The following TMEM117 variants were observed in gnomAD, a reference collection of about 807,000 sequenced individuals.
The protein encoded by TMEM117 is transmembrane protein 117.
Under a neutral mutation model 52.4 loss-of-function variants are expected in TMEM117, and 27 were observed. The observed-to-expected ratio is 0.51, with a 90% confidence interval of 0.38 to 0.71. The LOEUF is 0.71. TMEM117 is among the 30% of genes least tolerant of loss of function. The pLI is 0.00. For synonymous variants in TMEM117, 215 were observed against 206.3 expected (o/e 1.04, Z -0.36); for missense variants, 556 against 630.5 (o/e 0.88, Z 1.26).
intron 2 of TMEM117, among the ~76,000 whole-genome samples, chr12:43,926,245 T>C (rs903582638): frequency 3.9e-5 from 6 of 152,226 alleles, no homozygotes; most frequent in African/African-American, 1.2e-4. Flanking sequence ...TCCTAAAACA[T>C]TGGCTGGCAT....
At chr12:44,342,471 G>A (rs1191681897) in intron 6 of TMEM117, among the ~76,000 whole-genome samples, 1 of 151,924 alleles carries the variant, frequency 6.6e-6, no homozygotes, top group East Asian at 1.9e-4. Context: ...TAATACCCCT[G>A]GCAAGATTGC....
chr12:44,346,795 G>C (rs1173551218), intron 6 of TMEM117, among the ~76,000 whole-genome samples: 1 of 152,032 alleles, frequency 6.6e-6, no homozygotes, highest in African/African-American at 2.4e-5. Flanking sequence ...TCCAGCACAA[G>C]GGAAAAGATG....
intron 5 of TMEM117, among the ~76,000 whole-genome samples, chr12:44,289,111 G>A (rs1314930019): frequency 6.6e-6 from 1 of 152,068 alleles, no homozygotes; most frequent in East Asian, 1.9e-4. Flanking sequence ...ATACCATACA[G>A]TATGGGTATT....
chr12:43,817,839 C>T, the TMEM117 span, among the ~76,000 whole-genome samples: 2 of 152,080 alleles, frequency 1.3e-5, no homozygotes, highest in African/African-American at 4.8e-5. Context: ...AGCATAAAAG[C>T]TTTATTCTTC....
rs772754829 is a variant in TMEM117, at chr12:43,891,367, A to ATTTTTTTTTTTTTTTTT, written c.277+46446_277+46462dup. ...ATTTCTTTTGGGAAATACCTCTTGA[A>ATTTTTTTTTTTTTTTTT]TTTTTTTTTTTTTTTTTTTTTTTGA... On this transcript the variant is annotated intron_variant, in intron 2 of 7. Coordinates refer to ENST00000266534, the MANE Select transcript of TMEM117 (RefSeq NM_032256.3). Among the ~76,000 whole-genome samples, 217 of 57,792 alleles carry ATTTTTTTTTTTTTTTTT rather than the reference A, an allele frequency of 3.8e-3. 51 individuals are homozygous for ATTTTTTTTTTTTTTTTT. The highest frequency in any genetic ancestry group is 5.2e-3 in the East Asian group (8 of 1,544). 37.9% of individuals were successfully genotyped at this position (57,792 alleles called of 152,430 possible).
intron 3 of TMEM117, among the ~76,000 whole-genome samples, chr12:44,056,417 T>C (rs976831206): frequency 6.6e-6 from 1 of 152,212 alleles, no homozygotes; most frequent in Non-Finnish European, 1.5e-5. Context: ...ATAAAAACTT[T>C]CTCATTTGTC....
intron 6 of TMEM117, among the ~76,000 whole-genome samples, chr12:44,326,242 G>C (rs1190180412): frequency 6.6e-6 from 1 of 152,150 alleles, no homozygotes; most frequent in African/African-American, 2.4e-5. Context: ...CTGAATGTTA[G>C]AAAGCCCAAA....
At chr12:44,115,436 A>G (rs1383546049) in intron 3 of TMEM117, among the ~76,000 whole-genome samples, 1 of 152,166 alleles carries the variant, frequency 6.6e-6, no homozygotes, top group African/African-American at 2.4e-5. Flanking sequence ...ATACACATGT[A>G]CCCTAGAACT....
chr12:44,391,784 A>C (rs1325898199), downstream of TMEM117, among the ~76,000 whole-genome samples: 1 of 152,216 alleles, frequency 6.6e-6, no homozygotes, highest in African/African-American at 2.4e-5. Flanking sequence ...ATTGTTTCTC[A>C]TCTGCCTTCA....
chr12:43,802,553 C>T, the TMEM117 span: 3 of 945,762 alleles, frequency 3.2e-6, no homozygotes. Flanking sequence ...AATATATAGT[C>T]ATTTCCCAGT....
intron 2 of TMEM117, among the ~76,000 whole-genome samples, chr12:43,887,095 C>T (rs1007427280): frequency 8.5e-5 from 13 of 152,236 alleles, no homozygotes; most frequent in Middle Eastern, 3.4e-3. Flanking sequence ...GTGACCCGCC[C>T]TCCTAGGCCT....
Position 44,227,391 on chromosome 12 carries a change from G to A in TMEM117, c.608+16004G>A, listed in dbSNP as rs376006981. On this transcript the variant is annotated intron_variant, in intron 5 of 7. Transcript: ENST00000266534. ...AGGTGAGCAGATCACTTGAGCCTTG[G>A]AGGTTGAGGCTGAAATCATGCCACT... Among the ~76,000 whole-genome samples the A allele has an allele frequency of 6.6e-5, 10 of 152,186 alleles. No individual in the cohort carries two copies. In the East Asian group the frequency reaches 1.5e-3, roughly 24 times the overall value.
At chr12:44,128,505 A>T (rs1338777414) in intron 3 of TMEM117, among the ~76,000 whole-genome samples, 6 of 152,200 alleles carry the variant, frequency 3.9e-5, no homozygotes, top group African/African-American at 1.4e-4. Flanking sequence ...GAGGTGTTCA[A>T]TCAATATTGT....
At chr12:44,291,352 A>G (rs1374997156) in intron 5 of TMEM117, among the ~76,000 whole-genome samples, 1 of 137,350 alleles carries the variant, frequency 7.3e-6, no homozygotes, top group Non-Finnish European at 1.6e-5. Context: ...AACTTTACTC[A>G]ATTTGTTTAT....
At chr12:44,308,325 T>C (rs1356768987) in intron 6 of TMEM117, among the ~76,000 whole-genome samples, 2 of 152,224 alleles carry the variant, frequency 1.3e-5, no homozygotes, top group Admixed American at 6.5e-5. Context: ...CTTTTTCTTA[T>C]AATTAGAGCT....
chr12:44,132,409 G>A (rs534773592), intron 3 of TMEM117, among the ~76,000 whole-genome samples: 1 of 152,070 alleles, frequency 6.6e-6, no homozygotes, highest in Non-Finnish European at 1.5e-5. Context: ...CATTGCATCA[G>A]GGAAGATACC....
At chr12:43,838,200 C>G (rs1943063089) in intron 1 of TMEM117, among the ~76,000 whole-genome samples, 1 of 151,702 alleles carries the variant, frequency 6.6e-6, no homozygotes, top group Non-Finnish European at 1.5e-5. Flanking sequence ...GCCTTTTTAT[C>G]TAACAATTTA....
downstream of TMEM117, among the ~76,000 whole-genome samples, chr12:44,393,136 T>C (rs2138884572): frequency 6.6e-6 from 1 of 152,288 alleles, no homozygotes; most frequent in Admixed American, 6.5e-5. Flanking sequence ...GTGTGAGGTA[T>C]CAATTATTTT....
At chr12:44,254,807 T>C (rs1950239343) in intron 5 of TMEM117, among the ~76,000 whole-genome samples, 1 of 150,144 alleles carries the variant, frequency 6.7e-6, no homozygotes, top group African/African-American at 2.4e-5. Context: ...ATCCCTCCCC[T>C]CTCCCCCCAC....
Sources: gnomAD v4.1 joint callset for allele counts (sites outside exome capture counted in the v4.1 genomes callset) on GRCh38, gnomAD v4.1.1 for gene constraint, MANE v1.5 for transcripts, NCBI Gene and HGNC (gene_info 2026-07-23, HGNC 2026-07-21) for gene names.